The following TMEM135 variants were observed in gnomAD, a reference collection of about 807,000 sequenced individuals.
The protein encoded by TMEM135 is transmembrane protein 135.
In TMEM135, 30 loss-of-function variants were observed where a neutral mutation model predicts 60.3. That is an observed-to-expected ratio of 0.50 (90% CI 0.37 to 0.68). TMEM135 has a LOEUF of 0.68. Among genes scored for constraint, TMEM135 ranks in the 30% least tolerant of loss-of-function variants. TMEM135 has a pLI of 0.00. For synonymous variants in TMEM135, 190 were observed against 186.7 expected (o/e 1.02, Z -0.14); for missense variants, 468 against 548.8 (o/e 0.85, Z 1.47).
chr11:87,053,413 G>A (rs576947024), intron 1 of TMEM135, among the ~76,000 whole-genome samples: 5 of 152,128 alleles, frequency 3.3e-5, no homozygotes, highest in South Asian at 2.1e-4. Flanking sequence ...AGTGAAAAAT[G>A]TGGTAAGACC....
chr11:87,150,215 CAAAAAA>C (rs200067307), intron 4 of TMEM135, among the ~76,000 whole-genome samples: 7 of 109,888 alleles, frequency 6.4e-5, no homozygotes, highest in African/African-American at 2.0e-4. Flanking sequence ...AACTCTGTCT[CAAAAAA>C]AAAAAAAAAA....
intron 4 of TMEM135, among the ~76,000 whole-genome samples, chr11:87,148,534 G>A (rs573537813): frequency 6.6e-6 from 1 of 152,246 alleles, no homozygotes; most frequent in East Asian, 1.9e-4. Flanking sequence ...GAGAAATAAT[G>A]TACTTTGATC....
chr11:87,093,008 C>A (rs1857244490), intron 4 of TMEM135, among the ~76,000 whole-genome samples: 1 of 152,040 alleles, frequency 6.6e-6, no homozygotes, highest in Non-Finnish European at 1.5e-5. Flanking sequence ...TCTTATCCAT[C>A]CCCTCTTTGA....
intron 1 of TMEM135, among the ~76,000 whole-genome samples, chr11:87,066,598 CA>C (rs34204350): frequency 0.015 from 1,822 of 121,166 alleles, 35 homozygotes; most frequent in African/African-American, 0.045. Flanking sequence ...CAGAGTTCAC[CA>C]AAAAAAAAAA....
intron 4 of TMEM135, among the ~76,000 whole-genome samples, chr11:87,132,771 A>G (rs1434736370): frequency 1.3e-5 from 2 of 152,192 alleles, no homozygotes; most frequent in Admixed American, 1.3e-4. Context: ...CCCCTAGTGG[A>G]TGCTGGAATT....
chr11:87,247,508 C>G (rs1941310915), intron 6 of TMEM135, among the ~76,000 whole-genome samples: 2 of 152,054 alleles, frequency 1.3e-5, no homozygotes, highest in African/African-American at 4.8e-5. Context: ...TGGGCTCCAC[C>G]CAGTTCGAGC....
chr11:87,156,669 T>G (rs1392093512), intron 4 of TMEM135, among the ~76,000 whole-genome samples: 1 of 152,190 alleles, frequency 6.6e-6, no homozygotes, highest in African/African-American at 2.4e-5. Context: ...TGTTAGTGTA[T>G]AGTGAGCAAT....
chr11:87,185,290 C>T (rs1565478220), intron 5 of TMEM135, among the ~76,000 whole-genome samples: 1 of 152,074 alleles, frequency 6.6e-6, no homozygotes, highest in African/African-American at 2.4e-5. Flanking sequence ...CAGATAAGAT[C>T]TATATGTTCC....
At chr11:87,261,039 G>A (rs192757) in intron 6 of TMEM135, among the ~76,000 whole-genome samples, 2 of 152,166 alleles carry the variant, frequency 1.3e-5, no homozygotes, top group African/African-American at 4.8e-5. Flanking sequence ...GTAATTTTAA[G>A]AAATTCCAGA....
intron 4 of TMEM135, among the ~76,000 whole-genome samples, chr11:87,137,789 C>T (rs780024353): frequency 1.7e-4 from 26 of 151,982 alleles, no homozygotes; most frequent in Non-Finnish European, 2.9e-4. Flanking sequence ...CAAAGCAAGA[C>T]ATAACATAGT....
At chr11:87,293,634 GT>G (rs1303785596) in intron 6 of TMEM135, among the ~76,000 whole-genome samples, 3 of 152,098 alleles carry the variant, frequency 2.0e-5, no homozygotes, top group Non-Finnish European at 4.4e-5. Flanking sequence ...TCCTGTGTTA[GT>G]TTGCTGAGGA....
chr11:87,305,789 A>C lies in TMEM135; in HGVS notation c.699-147A>C, dbSNP rs939724512. ...AGACTTTATCTCAAAATAAATAAAT[A>C]AATAAATAAATAAATAAAGTGATGT... On this transcript the variant is annotated intron_variant, in intron 8 of 14. Transcript: ENST00000305494. The C allele has an allele frequency of 1.2e-4, 44 of 361,912 alleles. 2 individuals are homozygous for C. Among genetic ancestry groups the C allele is most frequent in the Admixed American group, 2.2e-4 (5 of 22,388 alleles). The allele number at this position is 361,912 out of a possible 1,614,324, so 22.4% of individuals were successfully genotyped here.
At chr11:87,161,487 A>G (rs977817031) in intron 5 of TMEM135, among the ~76,000 whole-genome samples, 1 of 152,160 alleles carries the variant, frequency 6.6e-6, no homozygotes, top group Non-Finnish European at 1.5e-5. Flanking sequence ...TAAAGCAGAA[A>G]TTGGTGTTTT....
intron 1 of TMEM135, among the ~76,000 whole-genome samples, chr11:87,042,954 G>GTTT (rs201655891): frequency 1.6e-5 from 2 of 125,404 alleles, no homozygotes; most frequent in African/African-American, 6.5e-5. Flanking sequence ...CTGTAGTTTT[G>GTTT]TTTTGTTTTT....
intron 4 of TMEM135, among the ~76,000 whole-genome samples, chr11:87,136,110 G>A (rs1938089779): frequency 6.6e-6 from 1 of 151,740 alleles, no homozygotes; most frequent in Non-Finnish European, 1.5e-5. Flanking sequence ...AGTTCTAGTA[G>A]CTTCTTTTTG....
rs934911352 is a variant in TMEM135, at chr11:87,062,578, C to G, written c.142-5116C>G. Reference sequence around the variant, plus strand: ...TCCTCGAGTTCAAGCGATTCTCCTGCCTCAGCCTCCTGAGTAGCTGGGATT... The same window carrying G: ...TCCTCGAGTTCAAGCGATTCTCCTGGCTCAGCCTCCTGAGTAGCTGGGATT... On this transcript the variant is annotated intron_variant, in intron 1 of 14. Coordinates refer to ENST00000305494, the MANE Select transcript of TMEM135 (RefSeq NM_022918.4). 1.8e-4 allele frequency among the ~76,000 whole-genome samples: 28 copies of G among 151,770 alleles called. 1 individual carries two copies. The highest frequency in any genetic ancestry group is 7.4e-5 in the Non-Finnish European group (5 of 67,978).
chr11:87,218,516 G>A (rs938427584), intron 5 of TMEM135, among the ~76,000 whole-genome samples: 1 of 152,018 alleles, frequency 6.6e-6, no homozygotes, highest in East Asian at 1.9e-4. Flanking sequence ...CTGTTACCTA[G>A]ATAATCTGAA....
chr11:87,203,217 A>C (rs900488435), intron 5 of TMEM135, among the ~76,000 whole-genome samples: 4 of 152,042 alleles, frequency 2.6e-5, no homozygotes, highest in African/African-American at 9.7e-5. Flanking sequence ...ATCATTACTC[A>C]AAGTACATAG....
chr11:87,070,237 G>A (rs1531146), intron 2 of TMEM135, among the ~76,000 whole-genome samples: 45,601 of 151,772 alleles, frequency 0.3, 7,760 homozygotes, highest in East Asian at 0.59. Flanking sequence ...GTATAATTTA[G>A]CAATTTACCA....
Sources: gnomAD v4.1 joint callset for allele counts (sites outside exome capture counted in the v4.1 genomes callset) on GRCh38, gnomAD v4.1.1 for gene constraint, MANE v1.5 for transcripts, NCBI Gene and HGNC (gene_info 2026-07-23, HGNC 2026-07-21) for gene names.